The following TLN2 variants were observed in gnomAD, a reference collection of about 807,000 sequenced individuals.
The protein encoded by TLN2 is talin 2.
TLN2 carries 118 observed loss-of-function variants against 294.7 expected under a neutral mutation model. The observed-to-expected ratio is 0.40, with a 90% confidence interval of 0.34 to 0.47. TLN2 has a LOEUF of 0.47. Ranked by LOEUF, TLN2 falls within the 20% of genes least tolerant of loss-of-function variation. TLN2 has a pLI of 0.84. For missense variants in TLN2, 3,083 were observed against 3,282.2 expected (o/e 0.94, Z 1.48); for synonymous variants, 1,431 against 1,304.5 (o/e 1.10, Z -2.09).
intron 48 of TLN2, 110 bp from the exon 49 acceptor site, chr15:62,800,258 G>A (rs191459132): frequency 3.0e-5 from 45 of 1,501,518 alleles, no homozygotes; most frequent in Admixed American, 1.7e-4. Flanking sequence ...ACTTCAGACT[G>A]TCTTTCTCTC....
intron 1 of TLN2, among the ~76,000 whole-genome samples, chr15:62,519,338 G>A (rs1186744817): frequency 1.3e-5 from 2 of 152,124 alleles, no homozygotes; most frequent in African/African-American, 4.8e-5. Flanking sequence ...ATTAATGACA[G>A]CCCAAGTCAA....
At chr15:62,657,501 T>C (rs1404476850) in intron 8 of TLN2, among the ~76,000 whole-genome samples, 1 of 152,230 alleles carries the variant, frequency 6.6e-6, no homozygotes, top group Non-Finnish European at 1.5e-5. Context: ...ACTTCTGCCT[T>C]TCTGGACTGT....
At chr15:62,715,239 A>G (rs1252524492) in intron 22 of TLN2, among the ~76,000 whole-genome samples, 1 of 152,240 alleles carries the variant, frequency 6.6e-6, no homozygotes, top group Admixed American at 6.5e-5. Flanking sequence ...GTTCTTATAA[A>G]TTGGTAAGTT....
Position 62,794,527 on chromosome 15 carries a change from C to T in TLN2, c.5884-1600C>T, listed in dbSNP as rs35839123. Among the ~76,000 whole-genome samples, 880 of 152,312 alleles carry T rather than the reference C, an allele frequency of 5.8e-3. 6 individuals carry two copies. The highest frequency in any genetic ancestry group is 9.0e-3 in the Non-Finnish European group (613 of 68,036). ...CTCTCTCCCAGACACATATACAACC[C>T]TGCAGGCTTCCCGTGATACTTGTCT... On this transcript the variant is annotated intron_variant, in intron 46 of 58. Coordinates refer to ENST00000636159, the MANE Select transcript of TLN2 (RefSeq NM_015059.3).
At chr15:62,410,557 C>A (rs1232847132) in intron 1 of TLN2, among the ~76,000 whole-genome samples, 1 of 152,222 alleles carries the variant, frequency 6.6e-6, no homozygotes, top group Non-Finnish European at 1.5e-5. Flanking sequence ...TGTATTCCCT[C>A]AAGGACCCTC....
Position 62,673,865 on chromosome 15 carries a change from G to C in TLN2, c.827G>C (p.Arg276Thr). ...CTGCCCAAAGAATATATCAAGCAGAGAGGAGCTGAAAAGAGGATCTTTCAG... is the reference window on the plus strand; with the variant it reads ...CTGCCCAAAGAATATATCAAGCAGACAGGAGCTGAAAAGAGGATCTTTCAG... ...EFLPKEYIKQ[R>T]GAEKRIFQEH... The change falls in exon 10 of 59, where the codon AGA becomes ACA. Residue 276 changes from arginine to threonine, a missense_variant. Transcript: ENST00000636159. The C allele has an allele frequency of 6.2e-7, 1 of 1,613,446 alleles. No homozygotes were observed. The highest frequency in any genetic ancestry group is 8.5e-7 in the Non-Finnish European group (1 of 1,179,650).
intron 54 of TLN2, chr15:62,828,958 C>T (rs1001535198): frequency 1.3e-5 from 2 of 152,098 alleles, no homozygotes; most frequent in Non-Finnish European, 2.9e-5. Flanking sequence ...GCATTTCCTA[C>T]AGAGTAGTGT....
At chr15:62,533,253 CAAAAAAAA>C (rs10650730) in intron 1 of TLN2, among the ~76,000 whole-genome samples, 1 of 51,424 alleles carries the variant, frequency 1.9e-5, no homozygotes, top group Non-Finnish European at 3.6e-5. Context: ...GACTCTGTCT[CAAAAAAAA>C]AAAAAAAAAA....
chr15:62,674,875 G>C (rs2055974365), intron 10 of TLN2, among the ~76,000 whole-genome samples: 1 of 152,174 alleles, frequency 6.6e-6, no homozygotes, highest in African/African-American at 2.4e-5. Flanking sequence ...TTAAAGTCTT[G>C]GCTCTCAACC....
At chr15:62,664,742 C>T (rs1011374760) in intron 9 of TLN2, among the ~76,000 whole-genome samples, 7 of 149,968 alleles carry the variant, frequency 4.7e-5, no homozygotes, top group Non-Finnish European at 7.4e-5. Context: ...CCTGTAATCC[C>T]AGCTACTCGG....
intron 1 of TLN2, among the ~76,000 whole-genome samples, chr15:62,450,547 A>ATGTATGTGTGTG (rs1229690037): frequency 3.7e-5 from 5 of 136,062 alleles, no homozygotes; most frequent in African/African-American, 1.5e-4. Flanking sequence ...GTATGTATGT[A>ATGTATGTGTGTG]TGTGTGTGTG....
intron 1 of TLN2, among the ~76,000 whole-genome samples, chr15:62,504,060 G>A (rs536564865): frequency 1.2e-4 from 19 of 152,316 alleles, no homozygotes; most frequent in African/African-American, 3.8e-4. Flanking sequence ...AAAGAACTGT[G>A]TAAAATTGTA....
Position 62,702,185 on chromosome 15 carries a change from G to A in TLN2, c.1890G>A (p.Gln630=). 1 of 1,599,986 alleles carries A rather than the reference G, an allele frequency of 6.3e-7. No homozygotes were observed. The highest frequency in any genetic ancestry group is 8.5e-7 in the Non-Finnish European group (1 of 1,172,458). ...GAVSDLLKAV[Q]PTSGEPRQTV... is the part of the protein sequence containing the mutation. ...TGTCAGACTTGCTGAAAGCTGTGCA[G>A]CCTACTTCTGGAGAGGTAAGCTCCA... is the stretch of plus-strand genomic sequence containing the variant. Residue 630 remains glutamine, a synonymous_variant, in exon 18 of 59, where the codon CAG becomes CAA. Coordinates refer to ENST00000636159, the MANE Select transcript of TLN2 (RefSeq NM_015059.3).
At chr15:62,780,384 A>G (rs2064054895) in intron 43 of TLN2, among the ~76,000 whole-genome samples, 1 of 152,114 alleles carries the variant, frequency 6.6e-6, no homozygotes, top group African/African-American at 2.4e-5. Flanking sequence ...GTTGATTTTT[A>G]CTGTAACCAT....
intron 1 of TLN2, among the ~76,000 whole-genome samples, chr15:62,516,988 G>C (rs1351396261): frequency 1.3e-5 from 2 of 152,186 alleles, no homozygotes; most frequent in African/African-American, 4.8e-5. Flanking sequence ...CTATGATGCT[G>C]TAGATTGAAG....
chr15:62,613,877 C>CTA (rs1194144932), intron 2 of TLN2, among the ~76,000 whole-genome samples: 1 of 148,140 alleles, frequency 6.8e-6, no homozygotes, highest in Non-Finnish European at 1.5e-5. Flanking sequence ...AGAGTGTATA[C>CTA]TATAGAGTTC....
At chr15:62,769,779 C>T (rs956205988) in intron 41 of TLN2, among the ~76,000 whole-genome samples, 2 of 152,078 alleles carry the variant, frequency 1.3e-5, no homozygotes, top group Non-Finnish European at 2.9e-5. Flanking sequence ...AAGGGAGGTG[C>T]TGGCTAAAGG....
At chr15:62,501,092 A>C (rs1325406621) in intron 1 of TLN2, among the ~76,000 whole-genome samples, 2 of 152,262 alleles carry the variant, frequency 1.3e-5, no homozygotes, top group Non-Finnish European at 2.9e-5. Context: ...GCCATGGGGC[A>C]TGTTATAGAC....
intron 1 of TLN2, among the ~76,000 whole-genome samples, chr15:62,467,502 G>A (rs377593253): frequency 5.3e-5 from 8 of 152,034 alleles, no homozygotes; most frequent in South Asian, 2.1e-4. Context: ...AGACCAGCCC[G>A]GCCAACATGG....
Sources: allele counts gnomAD v4.1 joint callset (sites outside exome capture counted in the v4.1 genomes callset), GRCh38; gene constraint gnomAD v4.1.1; transcripts MANE v1.5; gene names NCBI Gene and HGNC (gene_info 2026-07-23, HGNC 2026-07-21).